The following PCSK5 variants were observed in gnomAD, a reference collection of about 807,000 sequenced individuals.
PCSK5 encodes prohormone convertase 5.
In PCSK5, 129 loss-of-function variants were observed where a neutral mutation model predicts 233.2. That is an observed-to-expected ratio of 0.55 (90% CI 0.48 to 0.64). The LOEUF (loss-of-function observed/expected upper bound fraction) is 0.64, where lower values mean the gene tolerates loss of function less well. Among genes scored for constraint, PCSK5 ranks in the 30% least tolerant of loss-of-function variants. The pLI, the probability that PCSK5 is intolerant of heterozygous loss-of-function variation, is 0.00. For synonymous variants in PCSK5, 825 were observed against 879.2 expected (o/e 0.94, Z 1.09); for missense variants, 2,076 against 2,430.1 (o/e 0.85, Z 3.06).
chr9:76,024,577 C>CT, intron 4 of PCSK5, among the ~76,000 whole-genome samples: 1 of 152,316 alleles, frequency 6.6e-6, no homozygotes, highest in East Asian at 1.9e-4. Context: ...GCAGAGATGT[C>CT]TTTCTTGTCA....
At chr9:75,930,426 C>T (rs1051703953) in intron 1 of PCSK5, among the ~76,000 whole-genome samples, 2 of 152,126 alleles carry the variant, frequency 1.3e-5, no homozygotes, top group Non-Finnish European at 2.9e-5. Flanking sequence ...ATGGTCTATT[C>T]AGTGAGTTAG....
chr9:76,338,370 C>T lies in PCSK5; in HGVS notation c.4889C>T (p.Ser1630Phe). Residue 1630 changes from serine to phenylalanine, a missense_variant, in exon 35 of 38, where the codon TCC (serine) becomes TTC (phenylalanine). Physicochemically the swap from Ser to Phe is radical, Grantham distance 155. Around this residue, in one of 6 missense-constraint regions of PCSK5, gnomAD observed 1,510 missense variants for 1,538.1 expected, o/e 0.98. Coordinates refer to ENST00000674117, the MANE Select transcript of PCSK5 (RefSeq NM_001372043.1). ...CGCTCCAAAGGAGAGTGTCATCGCT[C>T]CTGCCCAGACCATTACTATGTAGAG... ...LLRSKGECHR[S>F]CPDHYYVEQS... 6.2e-7 allele frequency: 1 copy of T among 1,612,762 alleles called. No homozygotes were observed. Among genetic ancestry groups the T allele is most frequent in the Non-Finnish European group, 8.5e-7 (1 of 1,179,790 alleles).
At chr9:76,341,478 G>T (rs1829833076) in intron 35 of PCSK5, among the ~76,000 whole-genome samples, 1 of 151,822 alleles carries the variant, frequency 6.6e-6, no homozygotes, top group Non-Finnish European at 1.5e-5. Flanking sequence ...ATAATTAATA[G>T]AGACGATGTC....
chr9:76,144,711 G>T (rs765251886), intron 10 of PCSK5, among the ~76,000 whole-genome samples: 1 of 152,208 alleles, frequency 6.6e-6, no homozygotes, highest in Non-Finnish European at 1.5e-5. Context: ...TATCTTTTAA[G>T]AAGTATGCAT....
intron 2 of PCSK5, among the ~76,000 whole-genome samples, chr9:75,971,105 G>T (rs1825800817): frequency 7.8e-6 from 1 of 128,146 alleles, no homozygotes; most frequent in Non-Finnish European, 1.6e-5. Context: ...CCCCACGACA[G>T]GCCCCAGTGT....
rs552570232 is a variant in PCSK5 at position 76,220,788 on chromosome 9, CTT to C, written c.2627-6714_2627-6713del. Among the ~76,000 whole-genome samples the C allele has an allele frequency of 4.4e-3, 666 of 152,246 alleles. 2 individuals are homozygous for C. Among genetic ancestry groups the C allele is most frequent in the Non-Finnish European group, 5.5e-3 (376 of 68,020 alleles). ...ATGATGAGAACACTTAAAATCTACTCTTAGTGATTTTCAAGTACATGATACAT... is the reference window on the plus strand; with the variant it reads ...ATGATGAGAACACTTAAAATCTACTCAGTGATTTTCAAGTACATGATACAT... On this transcript the variant is annotated intron_variant, in intron 20 of 37. Transcript: ENST00000674117.
intron 10 of PCSK5, among the ~76,000 whole-genome samples, chr9:76,148,976 A>G (rs1166394830): frequency 6.6e-6 from 1 of 152,256 alleles, no homozygotes; most frequent in Admixed American, 6.5e-5. Flanking sequence ...TTCTGGTCTC[A>G]TTACCTTCTC....
intron 7 of PCSK5, among the ~76,000 whole-genome samples, chr9:76,085,138 AG>A (rs1001041786): frequency 6.6e-6 from 1 of 152,188 alleles, no homozygotes; most frequent in African/African-American, 2.4e-5. Context: ...CGAGTGGGTC[AG>A]GTGGGCCCAT....
intron 2 of PCSK5, 57 bp downstream of exon 2, chr9:75,932,540 G>T: frequency 1.0e-6 from 1 of 984,030 alleles, no homozygotes; most frequent in Non-Finnish European, 1.6e-6. Flanking sequence ...TTTTTCATTG[G>T]TAATAACACA....
At chr9:76,034,585 A>G (rs564255265) in intron 5 of PCSK5, among the ~76,000 whole-genome samples, 22 of 151,850 alleles carry the variant, frequency 1.4e-4, no homozygotes, top group Admixed American at 2.6e-4. Context: ...TCCACCATCT[A>G]CACTTGGAGA....
chr9:76,225,631 T>C (rs765202892), intron 20 of PCSK5, among the ~76,000 whole-genome samples: 27 of 152,064 alleles, frequency 1.8e-4, no homozygotes, highest in Non-Finnish European at 3.8e-4. Flanking sequence ...AAATAAGAGG[T>C]GAAGTGAAGG....
intron 3 of PCSK5, among the ~76,000 whole-genome samples, chr9:76,007,985 C>G (rs1428844876): frequency 2.0e-5 from 3 of 151,986 alleles, no homozygotes; most frequent in African/African-American, 7.2e-5. Flanking sequence ...TAATTTGCTC[C>G]TTCACTCCCA....
In PCSK5 at chr9:76,239,033, G is replaced by A; in HGVS notation, c.2941G>A (p.Glu981Lys). 2 of 1,612,066 alleles carry A rather than the reference G, an allele frequency of 1.2e-6. No homozygotes were observed. Among genetic ancestry groups the A allele is most frequent in the South Asian group, 1.1e-5 (1 of 90,748 alleles). The change falls in exon 23 of 38, where the codon GAG becomes AAG. Residue 981 changes from glutamate (E) to lysine (K), a missense_variant. This residue lies in a region of PCSK5 where 1,510 missense variants were observed against 1,538.1 expected (regional missense o/e 0.98). Transcript: ENST00000674117. ...CTGCCCAGAGGGCCACTATGCCACTGAGGGGAACACCTGCCTGCCCTGCCC... is the reference window on the plus strand; with the variant it reads ...CTGCCCAGAGGGCCACTATGCCACTAAGGGGAACACCTGCCTGCCCTGCCC... Reference protein sequence around the residue: ...DSCPEGHYATEGNTCLPCPDN... With the variant: ...DSCPEGHYATKGNTCLPCPDN...
intron 8 of PCSK5, among the ~76,000 whole-genome samples, chr9:76,099,536 C>T (rs960953696): frequency 1.3e-5 from 2 of 152,040 alleles, no homozygotes; most frequent in Non-Finnish European, 2.9e-5. Context: ...TAAAACACTG[C>T]GATCTGTTCC....
At chr9:76,072,420 C>G (rs1013430587) in intron 7 of PCSK5, among the ~76,000 whole-genome samples, 6 of 152,152 alleles carry the variant, frequency 3.9e-5, no homozygotes, top group East Asian at 1.9e-4. Context: ...ATTGACCACT[C>G]TCCCACAAAA....
intron 3 of PCSK5, among the ~76,000 whole-genome samples, chr9:75,986,742 C>G (rs1365651191): frequency 1.3e-5 from 2 of 152,074 alleles, no homozygotes; most frequent in Non-Finnish European, 2.9e-5. Flanking sequence ...AAAAGTAGAC[C>G]AGGAAAGGAA....
chr9:76,051,896 T>C (rs1390384786), intron 5 of PCSK5, among the ~76,000 whole-genome samples: 1 of 152,118 alleles, frequency 6.6e-6, no homozygotes, highest in Non-Finnish European at 1.5e-5. Context: ...AACCCTCTGA[T>C]AGAGTTAGAA....
At position 76,238,960 on chromosome 9, in the gene PCSK5, C is replaced by G; in HGVS notation, c.2868C>G (p.Asp956Glu). ...GPTHCTSCGA[D>E]NYGREHFLYQ... ...TTCGTTGCCCCTGTAACTGATCAGA[C>G]AACTATGGCCGAGAGCACTTCCTGT... Residue 956 changes from aspartate to glutamate, a missense_variant and splice_region_variant, in exon 23 of 38, where the codon GAC (aspartate) becomes GAG (glutamate). Transcript: ENST00000674117. The G allele has an allele frequency of 6.2e-7, 1 of 1,610,934 alleles. No individual in the cohort carries two copies. The highest frequency in any genetic ancestry group is 8.5e-7 in the Non-Finnish European group (1 of 1,178,618).
intron 2 of PCSK5, among the ~76,000 whole-genome samples, chr9:75,973,465 AAG>A (rs56145062): frequency 0.025 from 3,758 of 152,274 alleles, 65 homozygotes; most frequent in Non-Finnish European, 0.035. Flanking sequence ...CTTTGACTAA[AAG>A]AGCAGTGAAT....
Sources: allele counts gnomAD v4.1 joint callset (sites outside exome capture counted in the v4.1 genomes callset), GRCh38; gene constraint gnomAD v4.1.1; regional missense constraint gnomAD v4.1.1; transcripts MANE v1.5; gene names NCBI Gene and HGNC (gene_info 2026-07-23, HGNC 2026-07-21).